PRKCZ: variants seen among roughly 807,000 people sequenced by gnomAD.
PRKCZ encodes protein kinase C zeta.
A neutral mutation model predicts 79.5 loss-of-function variants in PRKCZ; 33 were observed. The observed-to-expected ratio is 0.41, with a 90% CI of 0.31 to 0.55. PRKCZ has a LOEUF of 0.55. Ranked by LOEUF, PRKCZ falls within the 20% of genes least tolerant of loss-of-function variation. The pLI is 0.19. For missense variants in PRKCZ, 578 were observed against 813.5 expected (o/e 0.71, Z 3.52); for synonymous variants, 342 against 320.9 (o/e 1.07, Z -0.70).
intron 4 of PRKCZ, among the ~76,000 whole-genome samples, chr1:2,079,184 A>G (rs772664409): frequency 1.2e-4 from 18 of 152,202 alleles, no homozygotes; most frequent in Non-Finnish European, 2.5e-4. Context: ...CCTTGTGTCA[A>G]AGGCATATCG....
chr1:2,052,140 C>T (rs1440444045), intron 1 of PRKCZ, among the ~76,000 whole-genome samples: 1 of 152,144 alleles, frequency 6.6e-6, no homozygotes, highest in Non-Finnish European at 1.5e-5. Flanking sequence ...TGGTGCGGAG[C>T]TCAGGGGAGT....
intron 4 of PRKCZ, among the ~76,000 whole-genome samples, chr1:2,087,843 C>G (rs756360794): frequency 6.6e-6 from 1 of 152,180 alleles, no homozygotes; most frequent in Admixed American, 6.5e-5. Flanking sequence ...GGAGGACCAG[C>G]GTCTGGCCTG....
At chr1:2,102,522 T>C (rs376694188) in intron 4 of PRKCZ, among the ~76,000 whole-genome samples, 2,355 of 151,736 alleles carry the variant, frequency 0.016, 33 homozygotes, top group African/African-American at 0.03. Flanking sequence ...TTAGTAGAGA[T>C]GGGGTTTCAC....
chr1:2,108,795 G>A (rs1367196082), intron 4 of PRKCZ, among the ~76,000 whole-genome samples: 7 of 152,216 alleles, frequency 4.6e-5, no homozygotes, highest in African/African-American at 1.4e-4. Flanking sequence ...AACAGTGGCC[G>A]CCACTGGGGG....
At chr1:2,072,056 T>C (rs193201375) in intron 4 of PRKCZ, among the ~76,000 whole-genome samples, 4 of 152,334 alleles carry the variant, frequency 2.6e-5, no homozygotes, top group South Asian at 2.1e-4. Flanking sequence ...CACTAGGCAG[T>C]GTAGGTTGCC....
At position 2,165,169 on chromosome 1, in the gene PRKCZ, G is replaced by C. The variant is rs1474654126; in HGVS notation, c.975-4349G>C. ...GAAGTAAAATCCTTCTGTGGATTCA[G>C]CTTTACCGCCTTTCCTCATCTGCTG... On this transcript the variant is annotated intron_variant, in intron 10 of 17. Coordinates refer to ENST00000378567, the MANE Select transcript of PRKCZ (RefSeq NM_002744.6). The surrounding 1 kb of genome is among the most constrained non-coding windows in gnomAD (Gnocchi z 4.1). 6.6e-6 allele frequency among the ~76,000 whole-genome samples: 1 copy of C among 152,222 alleles called. No homozygotes were observed. The highest frequency in any genetic ancestry group is 1.9e-4 in the East Asian group (1 of 5,194).
At chr1:2,130,796 A>G (rs1674800492) in intron 4 of PRKCZ, among the ~76,000 whole-genome samples, 1 of 152,068 alleles carries the variant, frequency 6.6e-6, no homozygotes, top group South Asian at 2.1e-4. Context: ...CATCCAGGAT[A>G]ACATTTGACC....
intron 10 of PRKCZ, among the ~76,000 whole-genome samples, chr1:2,164,854 C>T (rs957829623): frequency 2.0e-5 from 3 of 152,142 alleles, no homozygotes; most frequent in African/African-American, 7.2e-5. Flanking sequence ...TTTACCCTGC[C>T]GAGGCTGGGT....
chr1:2,089,043 TC>T (rs1665024849), intron 4 of PRKCZ, among the ~76,000 whole-genome samples: 1 of 152,272 alleles, frequency 6.6e-6, no homozygotes. Flanking sequence ...TTAGAATCCC[TC>T]CCTGTCATCA....
At position 2,135,310 on chromosome 1, in the gene PRKCZ, C is replaced by A; in HGVS notation, c.383C>A (p.Ala128Asp). ...AGAAGATGGAGGAAGCTGTACCGTGCCAACGGCCACCTCTTCCAAGCCAAG... is the reference window on the plus strand; with the variant it reads ...AGAAGATGGAGGAAGCTGTACCGTGACAACGGCCACCTCTTCCAAGCCAAG... ...GARRWRKLYRANGHLFQAKRF... is the reference protein window; with the variant it reads ...GARRWRKLYRDNGHLFQAKRF... The change falls in exon 5 of 18, where the codon GCC becomes GAC. Residue 128 changes from alanine to aspartate, a missense_variant. Transcript: ENST00000378567. 1 of 1,613,378 alleles carries A rather than the reference C, an allele frequency of 6.2e-7. No homozygotes were observed. The highest frequency in any genetic ancestry group is 8.5e-7 in the Non-Finnish European group (1 of 1,179,800).
intron 3 of PRKCZ, among the ~76,000 whole-genome samples, chr1:2,056,814 C>T (rs933205144): frequency 6.6e-6 from 1 of 151,144 alleles, no homozygotes; most frequent in Non-Finnish European, 1.5e-5. Flanking sequence ...CTGCAAGCTC[C>T]GCCTCCTGGG....
intron 4 of PRKCZ, among the ~76,000 whole-genome samples, chr1:2,069,398 G>A (rs1661384874): frequency 6.6e-6 from 1 of 152,184 alleles, no homozygotes; most frequent in Non-Finnish European, 1.5e-5. Flanking sequence ...GGGAGTGGGT[G>A]TCCAGAAAGT....
intron 1 of PRKCZ, chr1:2,051,000 C>T (rs550614177): frequency 1.6e-5 from 5 of 318,092 alleles, no homozygotes; most frequent in African/African-American, 4.3e-5. Context: ...GGGGACGTTC[C>T]GGCCGCAAAC....
At chr1:2,163,846 C>T (rs188354985) in intron 10 of PRKCZ, among the ~76,000 whole-genome samples, 16 of 151,892 alleles carry the variant, frequency 1.1e-4, no homozygotes, top group Non-Finnish European at 4.4e-5. Flanking sequence ...TTGCAGTGAA[C>T]GGAGATTGCA....
Position 2,176,379 on chromosome 1 carries a change from G to A in PRKCZ, c.1575+1066G>A, listed in dbSNP as rs566233600. On this transcript the variant is annotated intron_variant, in intron 16 of 17. Transcript: ENST00000378567. ...GTGTGGAAGTGCAGTCTCCACCCAG[G>A]ATGTTTCCAGCGCCGCTCGGTCGTG... Among the ~76,000 whole-genome samples the A allele has an allele frequency of 4.6e-5, 7 of 152,110 alleles. No homozygotes were observed. In the South Asian group the frequency reaches 1.5e-3, roughly 32 times the overall value.
intron 1 of PRKCZ, among the ~76,000 whole-genome samples, chr1:2,053,744 G>C (rs1044410233): frequency 1.3e-5 from 2 of 152,216 alleles, no homozygotes; most frequent in Admixed American, 6.5e-5. Flanking sequence ...TCCCACTCTG[G>C]AGTTCCTGGT....
intron 4 of PRKCZ, among the ~76,000 whole-genome samples, chr1:2,102,124 G>A (rs1339350371): frequency 6.6e-6 from 1 of 152,056 alleles, no homozygotes; most frequent in Non-Finnish European, 1.5e-5. Context: ...CCATACTGGG[G>A]GCCAGGATCA....
chr1:2,066,055 T>G (rs1168868760), intron 4 of PRKCZ, among the ~76,000 whole-genome samples: 3 of 152,250 alleles, frequency 2.0e-5, no homozygotes, highest in African/African-American at 7.2e-5. Context: ...TTCATTTTAC[T>G]AGTATTTTCT....
chr1:2,066,720 C>T (rs1388002538), intron 4 of PRKCZ, among the ~76,000 whole-genome samples: 2 of 152,110 alleles, frequency 1.3e-5, no homozygotes, highest in African/African-American at 2.4e-5. Context: ...GTGTAAAATT[C>T]GGTTGTTAAT....
Sources: allele counts gnomAD v4.1 joint callset (sites outside exome capture counted in the v4.1 genomes callset), GRCh38; gene constraint gnomAD v4.1.1; non-coding constraint Gnocchi (gnomAD v3.1); transcripts MANE v1.5; gene names NCBI Gene and HGNC (gene_info 2026-07-23, HGNC 2026-07-21).